NAV2: variants seen among roughly 807,000 people sequenced by gnomAD.
The protein encoded by NAV2 is helicase, APC down-regulated 1.
A neutral mutation model predicts 223.2 loss-of-function variants in NAV2; 54 were observed. That is an observed-to-expected ratio of 0.24 (90% CI 0.19 to 0.30). The LOEUF (loss-of-function observed/expected upper bound fraction) is 0.30, where lower values mean the gene tolerates loss of function less well. Ranked by LOEUF, NAV2 falls within the 10% of genes least tolerant of loss-of-function variation. The pLI is 1.00. For synonymous variants in NAV2, 1,279 were observed against 1,239.3 expected, an observed-to-expected ratio of 1.03 and a Z score of -0.67; for missense variants, 2,806 against 3,147.5, an observed-to-expected ratio of 0.89 and a Z score of 2.60.
At chr11:19,457,233 A>C (rs922551630) in intron 1 of NAV2, among the ~76,000 whole-genome samples, 13 of 152,230 alleles carry the variant, frequency 8.5e-5, no homozygotes, top group African/African-American at 3.1e-4. Context: ...GTAATGATAA[A>C]TACTGTGAAG....
chr11:19,855,876 G>T (rs929871092), intron 3 of NAV2, among the ~76,000 whole-genome samples: 1 of 152,188 alleles, frequency 6.6e-6, no homozygotes, highest in Non-Finnish European at 1.5e-5. Context: ...CTTTAAGAAG[G>T]ATTTGCCGGG....
chr11:19,835,976 C>T (rs189218663), intron 2 of NAV2, among the ~76,000 whole-genome samples: 156 of 152,242 alleles, frequency 1.0e-3, no homozygotes, highest in Non-Finnish European at 1.8e-3. Context: ...ATCATCCCAC[C>T]AGCTGCTGTC....
At chr11:19,705,583 C>T (rs2049637766) in intron 1 of NAV2, among the ~76,000 whole-genome samples, 2 of 152,106 alleles carry the variant, frequency 1.3e-5, no homozygotes, top group South Asian at 4.1e-4. Context: ...GATTACATTT[C>T]TGCTCCCATT....
rs550030317 is a variant in NAV2, at chr11:19,695,626, G to A, written c.76-136858G>A. ...TCTGTCTAAAGACACTGGATGGGCC[G>A]GGCATGGTGGCTCACGCCTGTAATC... On this transcript the variant is annotated intron_variant, in intron 1 of 37. Transcript: ENST00000360655. Among the ~76,000 whole-genome samples the A allele has an allele frequency of 1.8e-3, 270 of 152,284 alleles. 1 individual carries two copies. The highest frequency in any genetic ancestry group is 6.3e-3 in the African/African-American group (260 of 41,552).
intron 1 of NAV2, among the ~76,000 whole-genome samples, chr11:19,684,906 A>G (rs764881184): frequency 1.2e-4 from 19 of 152,192 alleles, no homozygotes; most frequent in Non-Finnish European, 1.8e-4. Context: ...ATGGCCTCTC[A>G]GTACAGTGCC....
chr11:19,602,173 C>CTTTTTTTT (rs1204696986), intron 1 of NAV2, among the ~76,000 whole-genome samples: 2 of 116,254 alleles, frequency 1.7e-5, no homozygotes, highest in African/African-American at 7.0e-5. Flanking sequence ...CTCTACAAGT[C>CTTTTTTTT]TTTTTTTTTT....
chr11:19,635,047 G>A (rs1043671745), intron 1 of NAV2, among the ~76,000 whole-genome samples: 4 of 152,186 alleles, frequency 2.6e-5, no homozygotes, highest in African/African-American at 9.7e-5. Context: ...AAGTGGTCCT[G>A]CGCTGGTGTT....
chr11:19,586,211 C>G (rs1590612462), intron 1 of NAV2, among the ~76,000 whole-genome samples: 1 of 152,318 alleles, frequency 6.6e-6, no homozygotes, highest in South Asian at 2.1e-4. Context: ...AGTTCTTGTG[C>G]CATGGTTTTC....
At chr11:19,642,720 G>A (rs187681480) in intron 1 of NAV2, among the ~76,000 whole-genome samples, 3 of 152,110 alleles carry the variant, frequency 2.0e-5, no homozygotes, top group Non-Finnish European at 4.4e-5. Context: ...CAAGCAGGAG[G>A]GGGGCTGGAT....
At chr11:19,904,529 A>C (rs554669731) in intron 6 of NAV2, among the ~76,000 whole-genome samples, 1 of 152,312 alleles carries the variant, frequency 6.6e-6, no homozygotes, top group African/African-American at 2.4e-5. Context: ...TGCAGGGTCC[A>C]TTGTGCCCAT....
At chr11:19,595,466 AT>A (rs2046180688) in intron 1 of NAV2, among the ~76,000 whole-genome samples, 2 of 152,342 alleles carry the variant, frequency 1.3e-5, no homozygotes, top group African/African-American at 4.8e-5. Context: ...TATTATCCCC[AT>A]TTTATAGATG....
intron 10 of NAV2, among the ~76,000 whole-genome samples, chr11:19,956,730 C>T (rs551548152): frequency 4.1e-4 from 63 of 152,112 alleles, no homozygotes; most frequent in Non-Finnish European, 7.8e-4. Context: ...CTCTCTGAGT[C>T]CCATAGTTGA....
chr11:19,811,526 C>T (rs1420596188), intron 1 of NAV2, among the ~76,000 whole-genome samples: 1 of 152,220 alleles, frequency 6.6e-6, no homozygotes. Context: ...CTGCCACACA[C>T]TAATGCCTTT....
intron 14 of NAV2, among the ~76,000 whole-genome samples, chr11:20,046,570 C>G (rs957557417): frequency 8.2e-5 from 12 of 146,942 alleles, no homozygotes; most frequent in Admixed American, 2.1e-4. Flanking sequence ...CCAAGTCAGT[C>G]TGAAATTTTA....
At chr11:19,500,570 G>A (rs568271288) in intron 1 of NAV2, among the ~76,000 whole-genome samples, 1 of 152,242 alleles carries the variant, frequency 6.6e-6, no homozygotes, top group East Asian at 1.9e-4. Context: ...TGGTCAGGAG[G>A]AAGATAGTAT....
rs569662535 is a variant in NAV2 at position 20,050,146 on chromosome 11, C to A, written c.4436+245C>A. ...TTTGGGAAGGCGACCTTAAACCCTG[C>A]CACTTGATCTGGGGCAGCGGAAGCT... is the stretch of plus-strand genomic sequence containing the variant. On this transcript the variant is annotated intron_variant, in intron 16 of 37. Transcript: ENST00000349880. 7.9e-5 allele frequency among the ~76,000 whole-genome samples: 12 copies of A among 152,256 alleles called. No homozygotes were observed. The East Asian group carries it at 2.1e-3, about 27-fold the overall frequency.
intron 1 of NAV2, among the ~76,000 whole-genome samples, chr11:19,619,290 G>T (rs1410134973): frequency 6.6e-6 from 1 of 152,088 alleles, no homozygotes; most frequent in African/African-American, 2.4e-5. Context: ...TGAGAAAGCT[G>T]GGTCAAGTGG....
intron 1 of NAV2, among the ~76,000 whole-genome samples, chr11:19,632,888 C>T (rs1488399320): frequency 2.6e-5 from 4 of 152,234 alleles, no homozygotes; most frequent in Non-Finnish European, 5.9e-5. Flanking sequence ...TTTATCCAAA[C>T]CCTTTAAGAA....
intron 1 of NAV2, among the ~76,000 whole-genome samples, chr11:19,641,621 C>G (rs1466099255): frequency 6.6e-6 from 1 of 151,804 alleles, no homozygotes; most frequent in Non-Finnish European, 1.5e-5. Context: ...TATGCAGACC[C>G]CCACAAACAC....
Sources: gnomAD v4.1 joint callset for allele counts (sites outside exome capture counted in the v4.1 genomes callset) on GRCh38, gnomAD v4.1.1 for gene constraint, MANE v1.5 for transcripts, NCBI Gene and HGNC (gene_info 2026-07-23, HGNC 2026-07-21) for gene names.